CSNK1G1: variants seen among roughly 807,000 people sequenced by gnomAD.
CSNK1G1 encodes the protein casein kinase I isoform gamma-1.
A neutral mutation model predicts 59.6 loss-of-function variants in CSNK1G1; 22 were observed. That is an observed-to-expected ratio of 0.37 (90% confidence interval 0.26 to 0.53). The LOEUF is 0.53. CSNK1G1 is among the 20% of genes least tolerant of loss of function. The pLI is 0.89. For missense variants in CSNK1G1, 384 were observed against 519.5 expected (o/e 0.74, Z 2.54); for synonymous variants, 179 against 177.1 (o/e 1.01, Z -0.08).
intron 2 of CSNK1G1, among the ~76,000 whole-genome samples, chr15:64,280,522 G>A (rs1027435039): frequency 4.6e-5 from 7 of 151,830 alleles, no homozygotes; most frequent in East Asian, 2.0e-4. Flanking sequence ...AAAATAGCCC[G>A]GCTAATTTTT....
rs2081670233 is a variant in CSNK1G1 at position 64,171,867 on chromosome 15, G to T, written c.*64C>A. ...GAGGAGTCCCTTCCAATGAGAAATG[G>T]CAGGAGCTGCAGGTACAATTGAGTC... On this transcript the variant is annotated 3_prime_UTR_variant, in exon 12 of 12. Transcript: ENST00000303052. The surrounding 1 kb of genome is among the most constrained non-coding windows in gnomAD (Gnocchi z 4.8). 7.5e-7 allele frequency: 1 copy of T among 1,327,876 alleles called. No individual in the cohort carries two copies. Among genetic ancestry groups the T allele is most frequent in the Non-Finnish European group, 1.1e-6 (1 of 919,076 alleles). The allele number at this position is 1,327,876 out of a possible 1,614,324, so 82.3% of individuals were successfully genotyped here. A position where few individuals can be genotyped will look rare whatever the true frequency, so the allele number is the denominator to read the frequency against.
chr15:64,216,489 A>G lies in CSNK1G1; in HGVS notation c.444+73T>C, dbSNP rs1195451649. 1.9e-5 allele frequency: 27 copies of G among 1,457,852 alleles called. No individual in the cohort carries two copies. Among genetic ancestry groups the G allele is most frequent in the Non-Finnish European group, 2.5e-5 (26 of 1,052,120 alleles). The allele number at this position is 1,457,852 out of a possible 1,614,324, so 90.3% of individuals were successfully genotyped here. On this transcript the variant is annotated intron_variant, in intron 5 of 11. Coordinates refer to ENST00000303052, the MANE Select transcript of CSNK1G1 (RefSeq NM_022048.5). This position sits in a 1 kb window ranked among gnomAD's most constrained non-coding sequence, Gnocchi z 4.6. The stretch of plus-strand genomic sequence containing the variant: ...CTTGATGTGTTGCTACGGCTAGTAA[A>G]TCACCAAAAGGCCCACAAGGATGTG...
chr15:64,192,841 A>T lies in CSNK1G1; in HGVS notation c.1107+10241T>A, dbSNP rs199532999. ...CTGAGTGACAGAGTGAGATCTGCCT[A>T]AAAAAAAAAAAAAAAAAAAAAAAAA... is the stretch of plus-strand genomic sequence containing the variant. On this transcript the variant is annotated intron_variant, in intron 10 of 11. Coordinates refer to ENST00000303052, the MANE Select transcript of CSNK1G1 (RefSeq NM_022048.5). 6.2e-3 allele frequency among the ~76,000 whole-genome samples: 84 copies of T among 13,656 alleles called. 1 individual carries two copies. In the East Asian group the frequency reaches 0.19, roughly 31 times the overall value. The allele number at this position is 13,656 out of a possible 152,430, so 9.0% of individuals were successfully genotyped here.
At chr15:64,312,406 T>TA (rs1192453700) in intron 1 of CSNK1G1, among the ~76,000 whole-genome samples, 4 of 152,026 alleles carry the variant, frequency 2.6e-5, no homozygotes, top group African/African-American at 9.7e-5. Flanking sequence ...CCAAAACAGA[T>TA]ATATAGACCA....
At chr15:64,224,075 A>G (rs2082424838) in intron 4 of CSNK1G1, among the ~76,000 whole-genome samples, 1 of 152,228 alleles carries the variant, frequency 6.6e-6, no homozygotes, top group South Asian at 2.1e-4. Flanking sequence ...ATTATTGCCT[A>G]ATAATTAGTC....
intron 2 of CSNK1G1, among the ~76,000 whole-genome samples, chr15:64,281,520 CAT>C (rs1894133659): frequency 6.6e-6 from 1 of 152,072 alleles, no homozygotes; most frequent in East Asian, 1.9e-4. Context: ...GTTTAATGAG[CAT>C]AGAGTTTCCA....
chr15:64,247,836 T>C (rs551611412), intron 4 of CSNK1G1, among the ~76,000 whole-genome samples: 6 of 152,234 alleles, frequency 3.9e-5, no homozygotes, highest in Non-Finnish European at 8.8e-5. Flanking sequence ...TCTCAAGCTC[T>C]GGATATCACA....
chr15:64,347,506 C>T (rs1160194572), intron 1 of CSNK1G1, among the ~76,000 whole-genome samples: 1 of 149,482 alleles, frequency 6.7e-6, no homozygotes, highest in East Asian at 2.0e-4. Context: ...GTCCAAGCTA[C>T]TCGGGAGGCT....
intron 7 of CSNK1G1, among the ~76,000 whole-genome samples, chr15:64,207,162 A>G (rs1421439381): frequency 6.6e-6 from 1 of 152,144 alleles, no homozygotes; most frequent in Non-Finnish European, 1.5e-5. Flanking sequence ...TGTGAACAAA[A>G]CAGTTTCCAA....
At chr15:64,236,304 A>C (rs532446424) in intron 4 of CSNK1G1, among the ~76,000 whole-genome samples, 1 of 152,282 alleles carries the variant, frequency 6.6e-6, no homozygotes, top group East Asian at 1.9e-4. Context: ...TGTAATTGCA[A>C]GGCTATCCAT....
intron 1 of CSNK1G1, among the ~76,000 whole-genome samples, chr15:64,310,659 G>A (rs539918126): frequency 5.9e-5 from 9 of 152,166 alleles, no homozygotes; most frequent in African/African-American, 2.2e-4. Flanking sequence ...CGAGGTTGCA[G>A]TGAGCTATGA....
At chr15:64,251,406 A>G in intron 4 of CSNK1G1, 106 bp downstream of exon 4, 1 of 715,976 alleles carries the variant, frequency 1.4e-6, no homozygotes, top group Non-Finnish European at 2.4e-6. Context: ...AGCAGGGGAG[A>G]TAGATGGTTT....
intron 10 of CSNK1G1, among the ~76,000 whole-genome samples, chr15:64,186,230 C>T (rs1596062390): frequency 6.6e-6 from 1 of 152,124 alleles, no homozygotes; most frequent in African/African-American, 2.4e-5. Flanking sequence ...CCTCAGCCTC[C>T]CAAGTAGCTG....
chr15:64,340,994 T>TAGTAGAGCCGGGGTTTCAC (rs1596298675), intron 1 of CSNK1G1, among the ~76,000 whole-genome samples: 2 of 23,750 alleles, frequency 8.4e-5, no homozygotes, highest in African/African-American at 2.3e-4. Context: ...TTTATCTTTT[T>TAGTAGAGCCGGGGTTTCAC]TTTTTTTTTT....
chr15:64,237,334 C>A (rs905763716), intron 4 of CSNK1G1, among the ~76,000 whole-genome samples: 2 of 152,178 alleles, frequency 1.3e-5, no homozygotes, highest in African/African-American at 4.8e-5. Context: ...GGTAATACCT[C>A]TGGCAGAGAG....
chr15:64,322,427 T>C (rs1896613306), intron 1 of CSNK1G1, among the ~76,000 whole-genome samples: 1 of 151,932 alleles, frequency 6.6e-6, no homozygotes, highest in African/African-American at 2.4e-5. Context: ...GGTCTCGAAC[T>C]CCTGGGCTCA....
chr15:64,316,600 G>A (rs1330055114), intron 1 of CSNK1G1, among the ~76,000 whole-genome samples: 1 of 151,096 alleles, frequency 6.6e-6, no homozygotes, highest in African/African-American at 2.4e-5. Flanking sequence ...ATAAAGGGAG[G>A]AGACCACCCC....
At chr15:64,220,922 T>C (rs1340828859) in intron 4 of CSNK1G1, among the ~76,000 whole-genome samples, 1 of 152,224 alleles carries the variant, frequency 6.6e-6, no homozygotes, top group Non-Finnish European at 1.5e-5. Context: ...AGAAGCCATC[T>C]AGAATCACCA....
At chr15:64,248,248 C>A (rs1468016421) in intron 4 of CSNK1G1, among the ~76,000 whole-genome samples, 2 of 152,188 alleles carry the variant, frequency 1.3e-5, no homozygotes, top group East Asian at 3.8e-4. Flanking sequence ...AAGTTAAAAA[C>A]AAGCTCTGGT....
Sources: allele counts gnomAD v4.1 joint callset (sites outside exome capture counted in the v4.1 genomes callset), GRCh38; gene constraint gnomAD v4.1.1; non-coding constraint Gnocchi (gnomAD v3.1); transcripts MANE v1.5; gene names NCBI Gene and HGNC (gene_info 2026-07-23, HGNC 2026-07-21).